The following DMBT1 variants were observed in gnomAD, a reference collection of about 807,000 sequenced individuals.
DMBT1 encodes the protein scavenger receptor cysteine-rich domain-containing protein DMBT1.
Under a neutral mutation model 252.9 loss-of-function variants are expected in DMBT1, and 198 were observed. The observed-to-expected ratio is 0.78, with a 90% CI of 0.70 to 0.88. The LOEUF (loss-of-function observed/expected upper bound fraction) is 0.88, where lower values mean the gene tolerates loss of function less well. Ranked by LOEUF, DMBT1 falls within the 40% of genes least tolerant of loss-of-function variation. The pLI is 0.00. For synonymous variants in DMBT1, 990 were observed against 942.7 expected, an observed-to-expected ratio of 1.05 and a Z score of -0.92; for missense variants, 2,432 against 2,404.7, an observed-to-expected ratio of 1.01 and a Z score of -0.24.
Position 122,577,757 on chromosome 10 carries a change from C to G in DMBT1, c.608-54C>G, listed in dbSNP as rs950111096. 3.7e-6 allele frequency: 6 copies of G among 1,606,734 alleles called. No homozygotes were observed. In the Admixed American group the frequency reaches 5.0e-5, roughly 13 times the overall value. ...ACCCCAAGTCACTTCAGCCTTAACT[C>G]TACTTGGAGTCACTGAGTGTTTGGT... On this transcript the variant is annotated intron_variant, in intron 7 of 55. Coordinates refer to ENST00000338354, the MANE Select transcript of DMBT1 (RefSeq NM_001377530.1).
At position 122,592,349 on chromosome 10, in the gene DMBT1, G is replaced by A. The variant is rs1565753037; in HGVS notation, c.2254G>A (p.Gly752Ser). 1 of 1,588,272 alleles carries A rather than the reference G, an allele frequency of 6.3e-7. No homozygotes were observed. Among genetic ancestry groups the A allele is most frequent in the East Asian group, 2.3e-5 (1 of 42,736 alleles). ...GGGCCGAGTAGAGGTCCTATACCGA[G>A]GCTCCTGGGGCACCGTGTGTGATGA... ...CQGRVEVLYR[G>S]SWGTVCDDSW... Residue 752 changes from glycine to serine, a missense_variant, in exon 20 of 56, where the codon GGC becomes AGC. Transcript: ENST00000338354.
At chr10:122,626,056 A>G in intron 46 of DMBT1, 91 bp downstream of exon 46, 1 of 1,052,248 alleles carries the variant, frequency 9.5e-7, no homozygotes, top group Non-Finnish European at 1.5e-6. Context: ...GCCCCACCCC[A>G]GCCTTCCTCA....
intron 51 of DMBT1, 116 bp downstream of exon 51, chr10:122,633,006 T>G: frequency 6.5e-7 from 1 of 1,542,206 alleles, no homozygotes; most frequent in East Asian, 2.4e-5. Context: ...GTGGTCTCCC[T>G]GCAAGAGTGC....
At chr10:122,574,475 G>A (rs1048574228) in intron 6 of DMBT1, among the ~76,000 whole-genome samples, 2 of 152,094 alleles carry the variant, frequency 1.3e-5, no homozygotes, top group African/African-American at 2.4e-5. Flanking sequence ...TACATGCATC[G>A]GGCCCTCCTG....
chr10:122,639,472 A>G (rs573387780), intron 54 of DMBT1, among the ~76,000 whole-genome samples: 3 of 152,014 alleles, frequency 2.0e-5, no homozygotes, highest in Non-Finnish European at 4.4e-5. Context: ...ATTACAGTCA[A>G]AGGGGGTTGT....
At chr10:122,563,550 G>C (rs1339710914) in intron 1 of DMBT1, among the ~76,000 whole-genome samples, 1 of 149,404 alleles carries the variant, frequency 6.7e-6, no homozygotes, top group Admixed American at 6.7e-5. Context: ...TTGTGCCACT[G>C]CACTCCAGCC....
At chr10:122,618,483 T>A (rs754324929) in intron 41 of DMBT1, 143 bp downstream of exon 41, 7 of 1,477,014 alleles carry the variant, frequency 4.7e-6, no homozygotes, top group Non-Finnish European at 6.3e-6. Flanking sequence ...CTGCTAAGAA[T>A]CTTTATGAAT....
At position 122,593,608 on chromosome 10, in the gene DMBT1, C is replaced by T; in HGVS notation, c.2530+10C>T. 1 of 1,586,426 alleles carries T rather than the reference C, an allele frequency of 6.3e-7. No individual in the cohort carries two copies. Among genetic ancestry groups the T allele is most frequent in the Non-Finnish European group, 8.6e-7 (1 of 1,164,102 alleles). On this transcript the variant is annotated intron_variant, in intron 21 of 55. Coordinates refer to ENST00000338354, the MANE Select transcript of DMBT1 (RefSeq NM_001377530.1). ...CCGACACCCAGTCCAGGTAGGTCCC[C>T]AGTGTCCTTCCTCAAAATGTCCCTT...
At chr10:122,619,411 C>T in intron 42 of DMBT1, 74 bp downstream of exon 42, 1 of 1,588,200 alleles carries the variant, frequency 6.3e-7, no homozygotes, top group South Asian at 1.1e-5. Context: ...CTCCACAGAG[C>T]TCTCCTGCTT....
rs2097706999 is a variant in DMBT1, at chr10:122,575,802, G to A, written c.284-597G>A. On this transcript the variant is annotated intron_variant, in intron 6 of 55. Coordinates refer to ENST00000338354, the MANE Select transcript of DMBT1 (RefSeq NM_001377530.1). ...CATTGCCCATGTTCCTGGAGGTAGG[G>A]AGAAATCAGTCAGAATATGGTGTCT... is the stretch of plus-strand genomic sequence containing the variant. Among the ~76,000 whole-genome samples the A allele has an allele frequency of 2.0e-5, 3 of 152,166 alleles. No individual in the cohort carries two copies. In the South Asian group the frequency reaches 6.2e-4, roughly 31 times the overall value.
intron 52 of DMBT1, among the ~76,000 whole-genome samples, chr10:122,634,799 A>C (rs1293841414): frequency 1.3e-5 from 2 of 152,070 alleles, no homozygotes; most frequent in Non-Finnish European, 2.9e-5. Flanking sequence ...GCCTGATGTC[A>C]AAAGTACATT....
At position 122,589,001 on chromosome 10, in the gene DMBT1, G is replaced by A. The variant is rs202144423; in HGVS notation, c.1841G>A (p.Arg614Gln). The A allele has an allele frequency of 1.9e-4, 303 of 1,588,618 alleles. 42 individuals are homozygous for A. The East Asian group carries it at 4.3e-3, about 23-fold the overall frequency. Residue 614 changes from arginine (R) to glutamine (Q), a missense_variant, in exon 17 of 56, where the codon CGA becomes CAA. Arg to Gln is a conservative substitution (Grantham distance 43). This residue lies in a region of DMBT1 where 1,264 missense variants were observed against 1,082.2 expected (regional missense o/e 1.17). Transcript: ENST00000338354. ...LVNGGDRCQG[R>Q]VEVLYRGSWG... ...AATGGAGGTGACAGGTGTCAGGGCC[G>A]AGTGGAGGTCCTATACCGAGGCTCT...
intron 2 of DMBT1, among the ~76,000 whole-genome samples, chr10:122,569,075 A>G (rs768850257): frequency 4.6e-5 from 7 of 152,170 alleles, no homozygotes; most frequent in Admixed American, 1.3e-4. Context: ...TTCATAGACA[A>G]TGAAGGTCAA....
At chr10:122,578,987 G>T (rs556793222) in intron 9 of DMBT1, among the ~76,000 whole-genome samples, 31 of 152,232 alleles carry the variant, frequency 2.0e-4, no homozygotes, top group African/African-American at 7.2e-4. Context: ...GATAGGATGA[G>T]GCTCAAGGTG....
At chr10:122,600,670 G>T (rs28536613) in intron 27 of DMBT1, among the ~76,000 whole-genome samples, 9,217 of 152,256 alleles carry the variant, frequency 0.061, 324 homozygotes, top group South Asian at 0.13. Context: ...ATCTGCCAGT[G>T]TCCGAGCCTC....
intron 47 of DMBT1, 83 bp downstream of exon 47, chr10:122,630,076 G>T: frequency 6.4e-7 from 1 of 1,565,192 alleles, no homozygotes; most frequent in Non-Finnish European, 8.7e-7. Flanking sequence ...GGGCTGGGAT[G>T]CTTTTCACTC....
chr10:122,580,473 G>A (rs1180287072), intron 10 of DMBT1, among the ~76,000 whole-genome samples: 1 of 152,210 alleles, frequency 6.6e-6, no homozygotes, highest in Non-Finnish European at 1.5e-5. Context: ...TGAGGGGAGG[G>A]CAGTCCCCAT....
At chr10:122,600,276 G>T (rs938363158) in intron 27 of DMBT1, among the ~76,000 whole-genome samples, 183 bp downstream of exon 27, 3 of 150,986 alleles carry the variant, frequency 2.0e-5, no homozygotes, top group African/African-American at 7.4e-5. Flanking sequence ...ACAGGATTGA[G>T]GAGGCCTCTG....
chr10:122,579,986 T>A (rs753029485), intron 10 of DMBT1, 85 bp downstream of exon 10: 63 of 1,594,174 alleles, frequency 4.0e-5, no homozygotes, highest in Non-Finnish European at 5.1e-5. Context: ...ATCTCCTCAC[T>A]CAAAGCTTCT....
Sources: gnomAD v4.1 joint callset for allele counts (sites outside exome capture counted in the v4.1 genomes callset) on GRCh38, gnomAD v4.1.1 for gene constraint, gnomAD v4.1.1 regional missense constraint, MANE v1.5 for transcripts, NCBI Gene and HGNC (gene_info 2026-07-23, HGNC 2026-07-21) for gene names.